TTC21B: variants seen among roughly 807,000 people sequenced by gnomAD.
The protein encoded by TTC21B is tetratricopeptide repeat domain 21B, also known as tetratricopeptide repeat protein 21B.
TTC21B carries 127 observed loss-of-function variants against 175.1 expected under a neutral mutation model. The ratio of observed to expected loss-of-function variants is 0.73; its 90% CI spans 0.63 to 0.84. The LOEUF (loss-of-function observed/expected upper bound fraction) is 0.84, where lower values mean the gene tolerates loss of function less well. Among genes scored for constraint, TTC21B ranks in the 40% least tolerant of loss-of-function variants. The pLI, the probability that TTC21B is intolerant of heterozygous loss-of-function variation, is 0.00. For synonymous variants in TTC21B, 524 were observed against 524.5 expected (o/e 1.00, Z 0.01); for missense variants, 1,561 against 1,558.3 (o/e 1.00, Z -0.03).
chr2:165,940,364 C>T (rs1376747509), intron 6 of TTC21B, among the ~76,000 whole-genome samples: 4 of 152,116 alleles, frequency 2.6e-5, no homozygotes, highest in Non-Finnish European at 1.5e-5. Context: ...CTCCAGTAAC[C>T]TCATGCTTCA....
At chr2:165,892,403 G>A (rs6432851) in intron 22 of TTC21B, among the ~76,000 whole-genome samples, 66,776 of 151,972 alleles carry the variant, frequency 0.44, 15,241 homozygotes, top group South Asian at 0.54. Context: ...ACAGGTATTC[G>A]TACACCAACA....
chr2:165,941,217 T>G, intron 5 of TTC21B, 33 bp from the exon 6 acceptor site: 1 of 1,612,514 alleles, frequency 6.2e-7, no homozygotes, highest in Non-Finnish European at 8.5e-7. Context: ...ATATCCAAAC[T>G]GTGATCTTTC....
chr2:165,939,937 T>G (rs1307123690), intron 6 of TTC21B, among the ~76,000 whole-genome samples: 3 of 152,174 alleles, frequency 2.0e-5, no homozygotes, highest in African/African-American at 7.2e-5. Context: ...AACCTCTTTG[T>G]ACCTTAGTCC....
chr2:165,875,719 T>A (rs1318836100), intron 28 of TTC21B, among the ~76,000 whole-genome samples: 1 of 152,066 alleles, frequency 6.6e-6, no homozygotes, highest in African/African-American at 2.4e-5. Context: ...GAACTTCTAA[T>A]CAGAATAATG....
At chr2:165,935,351 G>A (rs1687090261) in intron 6 of TTC21B, among the ~76,000 whole-genome samples, 1 of 152,184 alleles carries the variant, frequency 6.6e-6, no homozygotes, top group South Asian at 2.1e-4. Context: ...TCCTACATGT[G>A]TTCAAAGAGG....
intron 24 of TTC21B, among the ~76,000 whole-genome samples, chr2:165,890,226 A>G (rs1203586528): frequency 2.6e-5 from 4 of 152,208 alleles, no homozygotes; most frequent in Non-Finnish European, 4.4e-5. Context: ...GTCTATTATT[A>G]TTTAGGAAAC....
At chr2:165,896,732 T>C (rs1164172011) in intron 22 of TTC21B, among the ~76,000 whole-genome samples, 6 of 152,204 alleles carry the variant, frequency 3.9e-5, no homozygotes, top group African/African-American at 2.4e-5. Context: ...AAGGCTGTAA[T>C]TGGCTTGGGC....
chr2:165,952,351 T>C (rs1434203948), intron 1 of TTC21B, among the ~76,000 whole-genome samples: 28 of 50,898 alleles, frequency 5.5e-4, no homozygotes, highest in Non-Finnish European at 4.9e-5. Context: ...GTATTGTCTA[T>C]GGCTGTTTTG....
At chr2:165,939,358 GAAGTA>G (rs1559072765) in intron 6 of TTC21B, among the ~76,000 whole-genome samples, 1 of 152,102 alleles carries the variant, frequency 6.6e-6, no homozygotes, top group Non-Finnish European at 1.5e-5. Context: ...AATCCAAACT[GAAGTA>G]AAGGTGACTT....
At chr2:165,917,138 C>T (rs565457555) in intron 14 of TTC21B, 119 bp downstream of exon 14, 1 of 954,776 alleles carries the variant, frequency 1.0e-6, no homozygotes, top group East Asian at 2.6e-5. Flanking sequence ...CTCGGCCTCC[C>T]AAAGTGCTGG....
chr2:165,893,272 G>A (rs981159044), intron 22 of TTC21B, among the ~76,000 whole-genome samples: 2 of 151,948 alleles, frequency 1.3e-5, no homozygotes, highest in Admixed American at 6.6e-5. Context: ...CAAAAATGTT[G>A]ACAAGAAATA....
chr2:165,916,721 C>G (rs1257037452), intron 14 of TTC21B, among the ~76,000 whole-genome samples: 1 of 152,076 alleles, frequency 6.6e-6, no homozygotes, highest in South Asian at 2.1e-4. Context: ...TTATTATGTT[C>G]CATTGTAGCC....
intron 22 of TTC21B, among the ~76,000 whole-genome samples, chr2:165,895,818 G>A (rs1413863625): frequency 6.6e-6 from 1 of 151,290 alleles, no homozygotes; most frequent in Non-Finnish European, 1.5e-5. Flanking sequence ...GAATAGACAG[G>A]GCAAAAAACA....
chr2:165,937,778 CACACA>C (rs1460414229), intron 6 of TTC21B, among the ~76,000 whole-genome samples: 45 of 59,250 alleles, frequency 7.6e-4, no homozygotes, highest in African/African-American at 2.9e-3. Context: ...AAACCACACA[CACACA>C]CACACACACA....
At chr2:165,885,448 AG>A (rs1684972681) in intron 25 of TTC21B, among the ~76,000 whole-genome samples, 1 of 152,160 alleles carries the variant, frequency 6.6e-6, no homozygotes, top group Non-Finnish European at 1.5e-5. Flanking sequence ...CCTCTAGGTA[AG>A]GGGTGGCAAA....
intron 19 of TTC21B, among the ~76,000 whole-genome samples, chr2:165,904,930 T>C (rs1685680031): frequency 6.6e-6 from 1 of 152,178 alleles, no homozygotes; most frequent in Non-Finnish European, 1.5e-5. Context: ...TCCAGGGAAC[T>C]TGGGAAGTAA....
At chr2:165,930,732 G>GGTGTGTGTGTGTGTGT in intron 8 of TTC21B, among the ~76,000 whole-genome samples, 11 of 110,818 alleles carry the variant, frequency 9.9e-5, no homozygotes, top group Admixed American at 1.7e-4. Context: ...TGGGTATGGG[G>GGTGTGTGTGTGTGTGT]GTGTGTGTGT....
In TTC21B at chr2:165,907,693, G is replaced by C. The variant is rs760781450; in HGVS notation, c.2553C>G (p.Ile851Met). ...YSKMEKLGDA[I>M]TALQQARELQ... The stretch of plus-strand genomic sequence containing the variant: ...ATGTGTTTACCTGTTGTAATGCAGT[G>C]ATCGCATCACCAAGTTTTTCCATTT... Residue 851 changes from isoleucine (I) to methionine (M), a missense_variant, in exon 19 of 29, where the codon ATC becomes ATG. Ile to Met is a conservative substitution (Grantham distance 10). Transcript: ENST00000243344. 1.2e-6 allele frequency: 2 copies of C among 1,610,410 alleles called. No homozygotes were observed. Among genetic ancestry groups the C allele is most frequent in the Admixed American group, 3.3e-5 (2 of 60,010 alleles).
At chr2:165,912,985 C>G (rs886410468) in intron 16 of TTC21B, among the ~76,000 whole-genome samples, 2 of 152,092 alleles carry the variant, frequency 1.3e-5, no homozygotes, top group Admixed American at 6.5e-5. Context: ...GTCTGTAGCT[C>G]CCTTTATCCT....
Sources: allele counts gnomAD v4.1 joint callset (sites outside exome capture counted in the v4.1 genomes callset), GRCh38; gene constraint gnomAD v4.1.1; transcripts MANE v1.5; gene names NCBI Gene and HGNC (gene_info 2026-07-23, HGNC 2026-07-21).